The following THPO variants were observed in gnomAD, a reference collection of about 807,000 sequenced individuals.
The protein encoded by THPO is thrombopoietin, also known as MPL ligand.
Under a neutral mutation model 17.0 loss-of-function variants are expected in THPO, and 12 were observed. The ratio of observed to expected loss-of-function variants is 0.71; its 90% CI spans 0.45 to 1.14. The LOEUF is 1.14. Ranked by LOEUF, THPO falls within the 50% of genes most tolerant of loss-of-function variation. THPO has a pLI of 0.00. For missense variants in THPO, 365 were observed against 427.5 expected, an observed-to-expected ratio of 0.85 and a Z score of 1.29; for synonymous variants, 188 against 183.0, an observed-to-expected ratio of 1.03 and a Z score of -0.22.
chr3:184,376,502 A>T, intron 1 of THPO, 98 bp from the exon 2 acceptor site: 1 of 1,291,814 alleles, frequency 7.7e-7, no homozygotes, highest in Non-Finnish European at 1.0e-6. Flanking sequence ...GATGCTGACC[A>T]GCCTGGAACT....
At chr3:184,373,328 C>T (rs1714111084) in intron 5 of THPO, 87 bp downstream of exon 5, 1 of 1,581,180 alleles carries the variant, frequency 6.3e-7, no homozygotes, top group East Asian at 2.2e-5. Flanking sequence ...CTTGAGCTCC[C>T]TGGAAGAGCC....
upstream of THPO, among the ~76,000 whole-genome samples, chr3:184,379,368 G>A (rs374742384): frequency 2.6e-5 from 4 of 152,092 alleles, no homozygotes; most frequent in African/African-American, 9.7e-5. Flanking sequence ...AGCAAGAGGG[G>A]ACTGTCGAAT....
chr3:184,372,540 G>A lies in THPO; in HGVS notation c.1035C>T (p.His345=). Residue 345 remains histidine (H), a synonymous_variant, in exon 6 of 6, where the codon CAC becomes CAT. Transcript: ENST00000647395. Reference sequence around the variant, plus strand: ...ACCCTTCCTGAGACAGATTCTGGGAGTGGGTGTAGGATGTGTTTAGAAGAG... The same window carrying A: ...ACCCTTCCTGAGACAGATTCTGGGAATGGGTGTAGGATGTGTTTAGAAGAG... ...TSPLLNTSYT[H]SQNLSQEG 1.5e-5 allele frequency: 25 copies of A among 1,614,146 alleles called. No homozygotes were observed. Among genetic ancestry groups the A allele is most frequent in the Non-Finnish European group, 2.1e-5 (25 of 1,180,036 alleles).
chr3:184,376,295 T>C lies in THPO; in HGVS notation c.-36A>G. On this transcript the variant is annotated 5_prime_UTR_variant, in exon 2 of 6. Coordinates refer to ENST00000647395, the MANE Select transcript of THPO (RefSeq NM_000460.4). ...GTGTCTGGCTGGCGTGGCTCCCTGT[T>C]TGGGGCCTCTCCCCTGAATCCTTCC... 1 of 1,614,188 alleles carries C rather than the reference T, an allele frequency of 6.2e-7. No homozygotes were observed.
At chr3:184,378,614 AAGTGGG>A (rs572051177), upstream of THPO, among the ~76,000 whole-genome samples, 167 of 152,214 alleles carry the variant, frequency 1.1e-3, no homozygotes, top group African/African-American at 3.9e-3. Context: ...CCCCCTTTCG[AAGTGGG>A]AACACGGATA....
chr3:184,376,054 AATC>A, intron 2 of THPO, 39 bp from the exon 3 acceptor site: 5 of 1,613,598 alleles, frequency 3.1e-6, no homozygotes, highest in Non-Finnish European at 4.2e-6. Flanking sequence ...ATGAGGAGGA[AATC>A]ATTGTCAGCT....
rs1714303566 is a variant in THPO at position 184,375,409 on chromosome 3, G to A, written c.228+106C>T. 1.0e-5 allele frequency: 12 copies of A among 1,205,706 alleles called. No individual in the cohort carries two copies. The South Asian group carries it at 1.5e-4, about 15-fold the overall frequency. 74.7% of individuals were successfully genotyped at this position (1,205,706 alleles called of 1,614,324 possible). A position where few individuals can be genotyped will look rare whatever the true frequency, so the allele number is the denominator to read the frequency against. ...ATTGGGTTAGGGTGGCCAAGCTGAA[G>A]GTGAGATATTTTTAAAAAGCTCAAG... On this transcript the variant is annotated intron_variant, in intron 4 of 5. Transcript: ENST00000647395.
Position 184,372,430 on chromosome 3 carries a change from T to G in THPO, c.*83A>C. The G allele has an allele frequency of 6.5e-7, 1 of 1,540,048 alleles. No individual in the cohort carries two copies. The highest frequency in any genetic ancestry group is 9.0e-7 in the Non-Finnish European group (1 of 1,114,316). On this transcript the variant is annotated 3_prime_UTR_variant, in exon 6 of 6. Coordinates refer to ENST00000647395, the MANE Select transcript of THPO (RefSeq NM_000460.4). Reference sequence around the variant, plus strand: ...GGGTTTCAGGAGAAAGTAGGAAATCTTGTCCAGTTGTCTCCCAGGGGCGCC... The same window carrying G: ...GGGTTTCAGGAGAAAGTAGGAAATCGTGTCCAGTTGTCTCCCAGGGGCGCC...
upstream of THPO, chr3:184,378,684 T>G: frequency 5.3e-6 from 3 of 566,768 alleles, no homozygotes; most frequent in South Asian, 1.5e-4. Context: ...GGGAAAGGGT[T>G]TGGACGGGTT....
chr3:184,373,195 G>A lies in THPO; in HGVS notation c.397-17C>T, dbSNP rs1322135807. 2 of 1,608,612 alleles carry A rather than the reference G, an allele frequency of 1.2e-6. No homozygotes were observed. Among genetic ancestry groups the A allele is most frequent in the Non-Finnish European group, 1.7e-6 (2 of 1,179,988 alleles). ...TGGAGGAAGCTGAGGGCAGAGGATG[G>A]TCCTGAGGCCAAACACCAGGGCCAG... is the stretch of plus-strand genomic sequence containing the variant. On this transcript the variant is annotated splice_polypyrimidine_tract_variant and intron_variant, in intron 5 of 5. Coordinates refer to ENST00000647395, the MANE Select transcript of THPO (RefSeq NM_000460.4).
upstream of THPO, chr3:184,378,252 G>A (rs1208732776): frequency 4.1e-6 from 4 of 985,390 alleles, no homozygotes; most frequent in South Asian, 4.7e-5. Context: ...GAAGGCCCCC[G>A]GAAGTGACGC....
chr3:184,378,378 C>T, upstream of THPO: 20 of 985,566 alleles, frequency 2.0e-5, no homozygotes, highest in Non-Finnish European at 2.4e-5. Flanking sequence ...AACCTGGGAC[C>T]TGGAGGGGGA....
chr3:184,372,281 C>A lies in THPO; in HGVS notation c.*232G>T, dbSNP rs1012614397. 4 of 540,928 alleles carry A rather than the reference C, an allele frequency of 7.4e-6. No individual in the cohort carries two copies. Among genetic ancestry groups the A allele is most frequent in the African/African-American group, 3.8e-5 (2 of 53,000 alleles). 33.5% of individuals were successfully genotyped at this position (540,928 alleles called of 1,614,324 possible). A position where few individuals can be genotyped will look rare whatever the true frequency, so the allele number is the denominator to read the frequency against. ...GTTGCAAATTTCTGCAGAAAATAGA[C>A]CAAAGAGCTAGCTGCTCTGATGAGT... On this transcript the variant is annotated 3_prime_UTR_variant, in exon 6 of 6. Coordinates refer to ENST00000647395, the MANE Select transcript of THPO (RefSeq NM_000460.4).
chr3:184,373,253 C>T (rs573940431), intron 5 of THPO, 75 bp from the exon 6 acceptor site: 5 of 1,591,620 alleles, frequency 3.1e-6, no homozygotes, highest in East Asian at 2.2e-5. Context: ...GTAGGAAAGA[C>T]AGGATGCCAG....
At chr3:184,378,947 C>T, upstream of THPO, 2 of 801,428 alleles carry the variant, frequency 2.5e-6, no homozygotes, top group Non-Finnish European at 3.0e-6. Flanking sequence ...CCCGCAAATA[C>T]CTCCCTGCTG....
In THPO at chr3:184,376,304, C is replaced by G; in HGVS notation, c.-45G>C. ...TGGCGTGGCTCCCTGTTTGGGGCCTCTCCCCTGAATCCTTCCTGGGGCCAT... is the reference window on the plus strand; with the variant it reads ...TGGCGTGGCTCCCTGTTTGGGGCCTGTCCCCTGAATCCTTCCTGGGGCCAT... On this transcript the variant is annotated 5_prime_UTR_variant, in exon 2 of 6. Coordinates refer to ENST00000647395, the MANE Select transcript of THPO (RefSeq NM_000460.4). The G allele has an allele frequency of 6.2e-7, 1 of 1,614,214 alleles. No homozygotes were observed. The highest frequency in any genetic ancestry group is 8.5e-7 in the Non-Finnish European group (1 of 1,180,040).
upstream of THPO, chr3:184,378,237 CT>C (rs1367120601): frequency 4.1e-6 from 4 of 985,402 alleles, no homozygotes; most frequent in Non-Finnish European, 4.8e-6. Flanking sequence ...CCACCAGACA[CT>C]GGTGAAGGCC....
upstream of THPO, among the ~76,000 whole-genome samples, chr3:184,379,037 G>A (rs1714734174): frequency 6.6e-6 from 1 of 152,072 alleles, no homozygotes. Context: ...TCTGTCCTCA[G>A]GGGCTTCCTG....
Position 184,372,503 on chromosome 3 carries a change from T to A in THPO, c.*10A>T, listed in dbSNP as rs760293647. The A allele has an allele frequency of 3.7e-6, 6 of 1,613,876 alleles. No individual in the cohort carries two copies. The highest frequency in any genetic ancestry group is 1.3e-5 in the African/African-American group (1 of 74,876). ...CGAGACAATGCTGATGTCGGCAGTG[T>A]CTGAGAACCTTACCCTTCCTGAGAC... On this transcript the variant is annotated 3_prime_UTR_variant, in exon 6 of 6. Coordinates refer to ENST00000647395, the MANE Select transcript of THPO (RefSeq NM_000460.4).
Sources: gnomAD v4.1 joint callset for allele counts (sites outside exome capture counted in the v4.1 genomes callset) on GRCh38, gnomAD v4.1.1 for gene constraint, MANE v1.5 for transcripts, NCBI Gene and HGNC (gene_info 2026-07-23, HGNC 2026-07-21) for gene names.